Variants in FRMD4A observed in about 807,000 individuals in gnomAD.
FRMD4A encodes FERM domain-containing protein 4A.
FRMD4A carries 29 observed loss-of-function variants against 129.1 expected under a neutral mutation model. The ratio of observed to expected loss-of-function variants is 0.22; its 90% CI spans 0.17 to 0.31. The LOEUF is 0.31. FRMD4A is among the 10% of genes least tolerant of loss of function. The pLI is 1.00. For missense variants in FRMD4A, 1,272 were observed against 1,375.8 expected (o/e 0.92, Z 1.19); for synonymous variants, 634 against 571.6 (o/e 1.11, Z -1.56).
At chr10:13,960,224 A>G (rs1356168560) in intron 2 of FRMD4A, among the ~76,000 whole-genome samples, 1 of 152,254 alleles carries the variant, frequency 6.6e-6, no homozygotes, top group Non-Finnish European at 1.5e-5. Flanking sequence ...TTGTTTGTCA[A>G]AAGCCTTCAT....
intron 2 of FRMD4A, among the ~76,000 whole-genome samples, chr10:14,104,524 G>C (rs978806509): frequency 4.6e-5 from 7 of 152,346 alleles, no homozygotes; most frequent in African/African-American, 1.4e-4. Context: ...GCCACACAGA[G>C]CCTATCTATG....
intron 2 of FRMD4A, among the ~76,000 whole-genome samples, chr10:13,946,556 C>T (rs1050936112): frequency 7.9e-6 from 1 of 125,862 alleles, no homozygotes; most frequent in Middle Eastern, 4.5e-3. Context: ...GGTGTAGACT[C>T]GGCCACCAAC....
chr10:13,853,147 T>G (rs570432134), intron 3 of FRMD4A, among the ~76,000 whole-genome samples: 4 of 152,130 alleles, frequency 2.6e-5, no homozygotes, highest in Non-Finnish European at 5.9e-5. Context: ...ACTCACATCA[T>G]GCGGCAGCTC....
At chr10:13,747,684 C>T (rs1249389615) in intron 9 of FRMD4A, 52 bp downstream of exon 9, 4 of 953,508 alleles carry the variant, frequency 4.2e-6, no homozygotes, top group South Asian at 1.3e-5. Flanking sequence ...GTCCTGTGTC[C>T]CCTCGCACCC....
intron 2 of FRMD4A, among the ~76,000 whole-genome samples, chr10:14,112,792 C>A (rs955910747): frequency 2.0e-5 from 3 of 152,208 alleles, no homozygotes; most frequent in African/African-American, 7.2e-5. Context: ...TCTCAAAGTG[C>A]TGGGATTACA....
intron 2 of FRMD4A, among the ~76,000 whole-genome samples, chr10:14,188,854 G>A (rs571671635): frequency 1.6e-4 from 24 of 152,276 alleles, no homozygotes; most frequent in African/African-American, 5.1e-4. Flanking sequence ...AGCAATGAGC[G>A]GTGATTGCAG....
intron 2 of FRMD4A, among the ~76,000 whole-genome samples, chr10:13,971,143 CACAT>C (rs1406913518): frequency 6.6e-6 from 1 of 151,846 alleles, no homozygotes; most frequent in Non-Finnish European, 1.5e-5. Context: ...CGCGCTCACA[CACAT>C]GCATGCATAC....
At position 14,024,929 on chromosome 10, in the gene FRMD4A, G is replaced by A. The variant is rs1405599613; in HGVS notation, c.46-166017C>T. Among the ~76,000 whole-genome samples the A allele has an allele frequency of 3.9e-5, 6 of 152,204 alleles. No individual in the cohort carries two copies. The South Asian group carries it at 8.3e-4, about 21-fold the overall frequency. ...GCTAAACACACTGGAGTGTATTGTC[G>A]AACGGGGGCAGTGGGTCCCACAGAA... On this transcript the variant is annotated intron_variant, in intron 2 of 24. Coordinates refer to ENST00000357447, the MANE Select transcript of FRMD4A (RefSeq NM_018027.5).
chr10:14,126,069 G>A (rs914334298), intron 2 of FRMD4A, among the ~76,000 whole-genome samples: 2 of 151,620 alleles, frequency 1.3e-5, no homozygotes, highest in South Asian at 2.1e-4. Context: ...CCATCCATCC[G>A]TCCAACCATA....
At chr10:13,791,692 G>C (rs1288834136) in intron 5 of FRMD4A, among the ~76,000 whole-genome samples, 1 of 152,138 alleles carries the variant, frequency 6.6e-6, no homozygotes, top group African/African-American at 2.4e-5. Context: ...CTTATGCCAA[G>C]GGACATCTGT....
At chr10:13,776,509 T>C (rs925111674) in intron 6 of FRMD4A, among the ~76,000 whole-genome samples, 4 of 152,194 alleles carry the variant, frequency 2.6e-5, no homozygotes, top group African/African-American at 9.7e-5. Flanking sequence ...AGGCAAATAC[T>C]AGAAGAAACA....
intron 9 of FRMD4A, among the ~76,000 whole-genome samples, chr10:13,741,813 T>C (rs1406509243): frequency 6.6e-6 from 1 of 152,222 alleles, no homozygotes; most frequent in African/African-American, 2.4e-5. Context: ...GCAAACCAGC[T>C]ACCAGAATTA....
chr10:14,127,959 TTTC>T (rs1838959862), intron 2 of FRMD4A, among the ~76,000 whole-genome samples: 2 of 31,418 alleles, frequency 6.4e-5, no homozygotes, highest in African/African-American at 3.8e-4. Context: ...TCTTTCTTTC[TTTC>T]TTTCTTTCTT....
chr10:14,169,203 C>A (rs551764035), intron 2 of FRMD4A, among the ~76,000 whole-genome samples: 52 of 152,044 alleles, frequency 3.4e-4, no homozygotes, highest in African/African-American at 1.1e-3. Flanking sequence ...TTATTCCTTG[C>A]CTATTTGAGG....
chr10:13,872,462 A>G (rs884999), intron 2 of FRMD4A, among the ~76,000 whole-genome samples: 150,846 of 152,394 alleles, frequency 0.99, 74,672 homozygotes, highest in East Asian at 1. Flanking sequence ...CAGATGTAAG[A>G]AATACAGGAG....
chr10:14,168,567 T>G (rs1841312229), intron 2 of FRMD4A, among the ~76,000 whole-genome samples: 1 of 152,228 alleles, frequency 6.6e-6, no homozygotes, highest in Non-Finnish European at 1.5e-5. Context: ...ACCCAGAAGA[T>G]AGGTCATCTG....
At chr10:13,972,404 C>T (rs1262362453) in intron 2 of FRMD4A, 3 of 790,564 alleles carry the variant, frequency 3.8e-6, no homozygotes, top group Non-Finnish European at 4.6e-6. Context: ...AGAAGCCAGG[C>T]ATTTTCTTTG....
In FRMD4A at chr10:13,970,070, AT is replaced by A. The variant is rs919484082; in HGVS notation, c.46-111159del. Among the ~76,000 whole-genome samples the A allele has an allele frequency of 1.9e-3, 285 of 151,970 alleles. 1 individual carries two copies. Among genetic ancestry groups the A allele is most frequent in the African/African-American group, 6.3e-3 (262 of 41,430 alleles). On this transcript the variant is annotated intron_variant, in intron 2 of 24. Coordinates refer to ENST00000357447, the MANE Select transcript of FRMD4A (RefSeq NM_018027.5). ...ACTGCTTGAATCTCCCAGCTGGGGG[AT>A]TTTTTTTCCCCCAGGATTCTTTCAG...
chr10:13,964,404 T>C (rs1490174263), intron 2 of FRMD4A, among the ~76,000 whole-genome samples: 1 of 151,286 alleles, frequency 6.6e-6, no homozygotes, highest in Non-Finnish European at 1.5e-5. Flanking sequence ...ATTCAGATTG[T>C]TGGTCTTATT....
Sources: allele counts gnomAD v4.1 joint callset (sites outside exome capture counted in the v4.1 genomes callset), GRCh38; gene constraint gnomAD v4.1.1; transcripts MANE v1.5; gene names NCBI Gene and HGNC (gene_info 2026-07-23, HGNC 2026-07-21).